The following SLC35D3 variants were observed in gnomAD, a reference collection of about 807,000 sequenced individuals.
SLC35D3 encodes frc, fringe-like 1.
In SLC35D3, 18 loss-of-function variants were observed where a neutral mutation model predicts 20.3. The observed-to-expected ratio is 0.89, with a 90% CI of 0.61 to 1.32. SLC35D3 has a LOEUF of 1.32. Among genes scored for constraint, SLC35D3 ranks in the 40% most tolerant of loss-of-function variants. SLC35D3 has a pLI of 0.00. For missense variants in SLC35D3, 556 were observed against 565.5 expected (o/e 0.98, Z 0.17); for synonymous variants, 313 against 263.5 (o/e 1.19, Z -1.82).
Position 136,924,375 on chromosome 6 carries a change from C to T in SLC35D3, c.930C>T (p.Asn310=). ...TCATGGAGACCAGAAAGCAAAGCAA[C>T]TACGAGGACCTGGAGGCCCAGCCTC... The part of the protein sequence containing the change: ...AKFMETRKQS[N]YEDLEAQPRG... Residue 310 remains asparagine, a synonymous_variant, in exon 2 of 2, where the codon AAC becomes AAT. Transcript: ENST00000331858. The T allele has an allele frequency of 6.2e-7, 1 of 1,614,094 alleles. No homozygotes were observed. Among genetic ancestry groups the T allele is most frequent in the Middle Eastern group, 1.6e-4 (1 of 6,062 alleles).
chr6:136,924,645 G>A lies in SLC35D3; in HGVS notation c.1200G>A (p.Arg400=). ...TATGGAGGTTGGTTAGGGGAACCAG[G>A]TATATGAAGAAGGATTATTTGATAG... ...LEVWRLVRGT[R]YMKKDYLIEN... Residue 400 remains arginine (R), a synonymous_variant, in exon 2 of 2, where the codon AGG becomes AGA. Coordinates refer to ENST00000331858, the MANE Select transcript of SLC35D3 (RefSeq NM_001008783.3). The A allele has an allele frequency of 1.9e-6, 3 of 1,614,014 alleles. No homozygotes were observed. Among genetic ancestry groups the A allele is most frequent in the Non-Finnish European group, 2.5e-6 (3 of 1,180,002 alleles).
At position 136,922,809 on chromosome 6, in the gene SLC35D3, G is replaced by T. The variant is rs774076061; in HGVS notation, c.381G>T (p.Ala127=). ...GCGTCCTGGTGCTCAAGAACGGCGC[G>T]CCCTCGCCAGGGGTGCTGGCGGCGG... ...LIGVLVLKNG[A]PSPGVLAAVL... is the part of the protein sequence containing the mutation. The change falls in exon 1 of 2, where the codon GCG becomes GCT. Residue 127 remains alanine (A), a synonymous_variant. Coordinates refer to ENST00000331858, the MANE Select transcript of SLC35D3 (RefSeq NM_001008783.3). This position sits in a 1 kb window ranked among gnomAD's most constrained non-coding sequence, Gnocchi z 6.8. 2 of 1,560,300 alleles carry T rather than the reference G, an allele frequency of 1.3e-6. No homozygotes were observed. The highest frequency in any genetic ancestry group is 8.7e-7 in the Non-Finnish European group (1 of 1,153,546).
At position 136,924,280 on chromosome 6, in the gene SLC35D3, C is replaced by T; in HGVS notation, c.835C>T (p.Pro279Ser). ...CATGGTGGCCTTCAGCGACGTGGAG[C>T]CCACCTCTCTGTTCATTGCCGGCGT... ...VGMVAFSDVEPTSLFIAGVVV... is the reference protein window; with the variant it reads ...VGMVAFSDVESTSLFIAGVVV... The change falls in exon 2 of 2, where the codon CCC (proline) becomes TCC (serine). Residue 279 changes from proline to serine, a missense_variant. Pro to Ser is a moderately conservative substitution (Grantham distance 74). Coordinates refer to ENST00000331858, the MANE Select transcript of SLC35D3 (RefSeq NM_001008783.3). 2 of 1,614,152 alleles carry T rather than the reference C, an allele frequency of 1.2e-6. No homozygotes were observed. The highest frequency in any genetic ancestry group is 1.7e-6 in the Non-Finnish European group (2 of 1,180,048).
chr6:136,922,972 G>C lies in SLC35D3; in HGVS notation c.439+105G>C, dbSNP rs999930058. The C allele has an allele frequency of 1.1e-5, 13 of 1,234,068 alleles. No homozygotes were observed. Among genetic ancestry groups the C allele is most frequent in the South Asian group, 1.6e-5 (1 of 63,224 alleles). The allele number at this position is 1,234,068 out of a possible 1,614,324, so 76.4% of individuals were successfully genotyped here. On this transcript the variant is annotated intron_variant, in intron 1 of 1. Transcript: ENST00000331858. The surrounding 1 kb of genome is among the most constrained non-coding windows in gnomAD (Gnocchi z 6.8). ...TTCAACGACCTCACTTCCAGATGGG[G>C]AGACTGAGGCAGAGAGAGCCGGAGA...
chr6:136,922,845 C>T lies in SLC35D3; in HGVS notation c.417C>T (p.Thr139=), dbSNP rs1289753408. The T allele has an allele frequency of 6.5e-7, 1 of 1,542,524 alleles. No homozygotes were observed. Among genetic ancestry groups the T allele is most frequent in the African/African-American group, 1.4e-5 (1 of 73,056 alleles). ...SPGVLAAVLI[T]TCGAALAGAG... ...GGGTGCTGGCGGCGGTGCTCATCACCACCTGCGGCGCCGCCCTGGCAGGTG... is the reference window on the plus strand; with the variant it reads ...GGGTGCTGGCGGCGGTGCTCATCACTACCTGCGGCGCCGCCCTGGCAGGTG... Residue 139 remains threonine, a synonymous_variant, in exon 1 of 2, where the codon ACC becomes ACT. Coordinates refer to ENST00000331858, the MANE Select transcript of SLC35D3 (RefSeq NM_001008783.3). This position sits in a 1 kb window ranked among gnomAD's most constrained non-coding sequence, Gnocchi z 6.8.
At position 136,922,907 on chromosome 6, in the gene SLC35D3, C is replaced by T. The variant is rs1776083219; in HGVS notation, c.439+40C>T. 1.4e-6 allele frequency: 2 copies of T among 1,481,404 alleles called. No individual in the cohort carries two copies. 91.8% of individuals were successfully genotyped at this position (1,481,404 alleles called of 1,614,324 possible). ...GCGCCGACCCCCAGCCGACCCCACC[C>T]ACCCCGCTCCGTCGGGCAGAGACCG... On this transcript the variant is annotated intron_variant, in intron 1 of 1. Transcript: ENST00000331858. This position sits in a 1 kb window ranked among gnomAD's most constrained non-coding sequence, Gnocchi z 6.8.
rs562283686 is a variant in SLC35D3, at chr6:136,923,059, G to A, written c.439+192G>A. Among the ~76,000 whole-genome samples the A allele has an allele frequency of 2.6e-5, 4 of 152,006 alleles. No homozygotes were observed. The South Asian group carries it at 6.3e-4, about 24-fold the overall frequency. On this transcript the variant is annotated intron_variant, in intron 1 of 1. Coordinates refer to ENST00000331858, the MANE Select transcript of SLC35D3 (RefSeq NM_001008783.3). The surrounding 1 kb of genome is among the most constrained non-coding windows in gnomAD (Gnocchi z 6.2). ...TCCGAGACCCAGAGAGCTCCCCAGC[G>A]CCCCACCAAGTCCCCCTGCCCCCTA...
At position 136,923,802 on chromosome 6, in the gene SLC35D3, G is replaced by A. The variant is rs963680658; in HGVS notation, c.440-83G>A. 7.4e-7 allele frequency: 1 copy of A among 1,348,428 alleles called. No individual in the cohort carries two copies. Among genetic ancestry groups the A allele is most frequent in the East Asian group, 2.5e-5 (1 of 39,398 alleles). 83.5% of individuals were successfully genotyped at this position (1,348,428 alleles called of 1,614,324 possible). ...CTTTCCTACCCGACGCGTTTTCCCCGTGGGTCCCCGCCCACGCCAACCTGC... is the reference window on the plus strand; with the variant it reads ...CTTTCCTACCCGACGCGTTTTCCCCATGGGTCCCCGCCCACGCCAACCTGC... On this transcript the variant is annotated intron_variant, in intron 1 of 1. Coordinates refer to ENST00000331858, the MANE Select transcript of SLC35D3 (RefSeq NM_001008783.3). The surrounding 1 kb of genome is among the most constrained non-coding windows in gnomAD (Gnocchi z 6.2).
rs918815289 is a variant in SLC35D3 at position 136,922,369 on chromosome 6, C to G, written c.-60C>G. 2.9e-6 allele frequency: 4 copies of G among 1,363,982 alleles called. No homozygotes were observed. The highest frequency in any genetic ancestry group is 3.8e-6 in the Non-Finnish European group (4 of 1,064,912). The allele number at this position is 1,363,982 out of a possible 1,614,324, so 84.5% of individuals were successfully genotyped here. A position where few individuals can be genotyped will look rare whatever the true frequency, so the allele number is the denominator to read the frequency against. On this transcript the variant is annotated 5_prime_UTR_variant, in exon 1 of 2. Coordinates refer to ENST00000331858, the MANE Select transcript of SLC35D3 (RefSeq NM_001008783.3). The surrounding 1 kb of genome is among the most constrained non-coding windows in gnomAD (Gnocchi z 6.8). ...CCCGCCGCCCTCACTCCGCTGCTCC[C>G]GGCTCCTCGCGCGCAGGTCGCGGAG...
chr6:136,923,812 G>A lies in SLC35D3; in HGVS notation c.440-73G>A, dbSNP rs564659230. The A allele has an allele frequency of 5.8e-5, 81 of 1,395,906 alleles. No homozygotes were observed. The East Asian group carries it at 1.7e-3, about 30-fold the overall frequency. 86.5% of individuals were successfully genotyped at this position (1,395,906 alleles called of 1,614,324 possible). ...CGACGCGTTTTCCCCGTGGGTCCCC[G>A]CCCACGCCAACCTGCTGTCTTCTCT... On this transcript the variant is annotated intron_variant, in intron 1 of 1. Coordinates refer to ENST00000331858, the MANE Select transcript of SLC35D3 (RefSeq NM_001008783.3). The surrounding 1 kb of genome is among the most constrained non-coding windows in gnomAD (Gnocchi z 6.2).
Position 136,924,514 on chromosome 6 carries a change from C to T in SLC35D3, c.1069C>T (p.Gln357Ter). The change falls in exon 2 of 2, where the codon CAG becomes TAG. Residue 357 changes from glutamine to a stop codon, truncating the protein, a stop_gained. Coordinates refer to ENST00000331858, the MANE Select transcript of SLC35D3 (RefSeq NM_001008783.3). LOFTEE classifies it high-confidence loss of function. ...TGGGGAGGCAGCAGGTGGCCCCGCT[C>T]AGGAGAGCAGGCAAGAGGTCAGGGG... ...EGGEAAGGPA[Q>*]ESRQEVRGSP... The T allele has an allele frequency of 6.2e-7, 1 of 1,613,362 alleles. No homozygotes were observed. Among genetic ancestry groups the T allele is most frequent in the South Asian group, 1.1e-5 (1 of 91,026 alleles).
At position 136,922,334 on chromosome 6, in the gene SLC35D3, G is replaced by A; in HGVS notation, c.-95G>A. ...CCCCCTGCCCTTCGCCGCCGCGCTG[G>A]GCGGGCGCCCCCGCCGCCCTCACTC... On this transcript the variant is annotated 5_prime_UTR_variant, in exon 1 of 2. Coordinates refer to ENST00000331858, the MANE Select transcript of SLC35D3 (RefSeq NM_001008783.3). This position sits in a 1 kb window ranked among gnomAD's most constrained non-coding sequence, Gnocchi z 6.8. 1 of 1,116,600 alleles carries A rather than the reference G, an allele frequency of 9.0e-7. No homozygotes were observed. The highest frequency in any genetic ancestry group is 1.1e-6 in the Non-Finnish European group (1 of 895,734). The allele number at this position is 1,116,600 out of a possible 1,614,324, so 69.2% of individuals were successfully genotyped here. A position where few individuals can be genotyped will look rare whatever the true frequency, so the allele number is the denominator to read the frequency against.
At position 136,924,113 on chromosome 6, in the gene SLC35D3, C is replaced by T. The variant is rs1222488641; in HGVS notation, c.668C>T (p.Pro223Leu). The change falls in exon 2 of 2, where the codon CCG (proline) becomes CTG (leucine). Residue 223 changes from proline to leucine, a missense_variant. Transcript: ENST00000331858. ...TGGACCTTCCCGGGCTGGAAGGACC[C>T]GGCCATGGTCTGCATCTTCGTGGCC... is the stretch of plus-strand genomic sequence containing the variant. ...HAWTFPGWKD[P>L]AMVCIFVACI... 1.9e-6 allele frequency: 3 copies of T among 1,612,566 alleles called. No homozygotes were observed. In the East Asian group the frequency reaches 6.7e-5, roughly 36 times the overall value.
chr6:136,923,817 C>T lies in SLC35D3; in HGVS notation c.440-68C>T. The T allele has an allele frequency of 7.1e-7, 1 of 1,417,566 alleles. No individual in the cohort carries two copies. Among genetic ancestry groups the T allele is most frequent in the East Asian group, 2.5e-5 (1 of 39,788 alleles). 87.8% of individuals were successfully genotyped at this position (1,417,566 alleles called of 1,614,324 possible). A position where few individuals can be genotyped will look rare whatever the true frequency, so the allele number is the denominator to read the frequency against. ...CGTTTTCCCCGTGGGTCCCCGCCCA[C>T]GCCAACCTGCTGTCTTCTCTCTTTT... is the stretch of plus-strand genomic sequence containing the variant. On this transcript the variant is annotated intron_variant, in intron 1 of 1. Transcript: ENST00000331858. The surrounding 1 kb of genome is among the most constrained non-coding windows in gnomAD (Gnocchi z 6.2).
At position 136,924,079 on chromosome 6, in the gene SLC35D3, A is replaced by C. The variant is rs770168244; in HGVS notation, c.634A>C (p.Ile212Leu). The change falls in exon 2 of 2, where the codon ATC becomes CTC. Residue 212 changes from isoleucine (I) to leucine (L), a missense_variant. Coordinates refer to ENST00000331858, the MANE Select transcript of SLC35D3 (RefSeq NM_001008783.3). ...VICSFASTDS[I>L]HAWTFPGWKD... ...CTGCTCCTTCGCCAGCACCGACTCC[A>C]TCCACGCCTGGACCTTCCCGGGCTG... is the stretch of plus-strand genomic sequence containing the variant. 8 of 1,611,830 alleles carry C rather than the reference A, an allele frequency of 5.0e-6. No individual in the cohort carries two copies. Among genetic ancestry groups the C allele is most frequent in the African/African-American group, 1.3e-5 (1 of 74,860 alleles).
chr6:136,922,623 C>T lies in SLC35D3; in HGVS notation c.195C>T (p.Ile65=). ...AGCTGCTGCGGCGCCTCGGGCTCAT[C>T]GCCGTGCCCCCCTTCGGTCTGAGCC... ...SLELLRRLGL[I]AVPPFGLSLA... Residue 65 remains isoleucine, a synonymous_variant, in exon 1 of 2, where the codon ATC becomes ATT. Transcript: ENST00000331858. The surrounding 1 kb of genome is among the most constrained non-coding windows in gnomAD (Gnocchi z 6.8). The T allele has an allele frequency of 6.2e-7, 1 of 1,610,768 alleles. No homozygotes were observed. Among genetic ancestry groups the T allele is most frequent in the Non-Finnish European group, 8.5e-7 (1 of 1,179,640 alleles).
In SLC35D3 at chr6:136,922,879, C is replaced by T. The variant is rs1171404737; in HGVS notation, c.439+12C>T. The T allele has an allele frequency of 2.0e-6, 3 of 1,515,694 alleles. No homozygotes were observed. The highest frequency in any genetic ancestry group is 1.3e-5 in the South Asian group (1 of 79,490). 93.9% of individuals were successfully genotyped at this position (1,515,694 alleles called of 1,614,324 possible). A position where few individuals can be genotyped will look rare whatever the true frequency, so the allele number is the denominator to read the frequency against. On this transcript the variant is annotated intron_variant, in intron 1 of 1. Transcript: ENST00000331858. The surrounding 1 kb of genome is among the most constrained non-coding windows in gnomAD (Gnocchi z 6.8). ...CGCCGCCCTGGCAGGTGAGCGGGCC[C>T]CCGCGCCGACCCCCAGCCGACCCCA... is the stretch of plus-strand genomic sequence containing the variant.
At position 136,924,777 on chromosome 6, in the gene SLC35D3, C is replaced by G; in HGVS notation, c.*81C>G. 1 of 1,325,570 alleles carries G rather than the reference C, an allele frequency of 7.5e-7. No homozygotes were observed. Among genetic ancestry groups the G allele is most frequent in the Non-Finnish European group, 1.0e-6 (1 of 988,306 alleles). The allele number at this position is 1,325,570 out of a possible 1,614,324, so 82.1% of individuals were successfully genotyped here. On this transcript the variant is annotated 3_prime_UTR_variant, in exon 2 of 2. Transcript: ENST00000331858. ...GACGTGTTTTAATGAGAGGCCTCCC[C>G]GTTTTATTCTTTGAGGAGTGGGGAA...
Position 136,924,772 on chromosome 6 carries a change from C to A in SLC35D3, c.*76C>A. The A allele has an allele frequency of 7.3e-7, 1 of 1,362,454 alleles. No homozygotes were observed. The highest frequency in any genetic ancestry group is 9.8e-7 in the Non-Finnish European group (1 of 1,017,188). The allele number at this position is 1,362,454 out of a possible 1,614,324, so 84.4% of individuals were successfully genotyped here. A position where few individuals can be genotyped will look rare whatever the true frequency, so the allele number is the denominator to read the frequency against. On this transcript the variant is annotated 3_prime_UTR_variant, in exon 2 of 2. Transcript: ENST00000331858. ...GAAATGACGTGTTTTAATGAGAGGC[C>A]TCCCCGTTTTATTCTTTGAGGAGTG...
Sources: gnomAD v4.1 joint callset for allele counts (sites outside exome capture counted in the v4.1 genomes callset) on GRCh38, gnomAD v4.1.1 for gene constraint, Gnocchi (gnomAD v3.1) non-coding constraint, MANE v1.5 for transcripts, NCBI Gene and HGNC (gene_info 2026-07-23, HGNC 2026-07-21) for gene names.